ADAMTS18: variants seen among roughly 807,000 people sequenced by gnomAD.
The protein encoded by ADAMTS18 is A disintegrin and metalloproteinase with thrombospondin motifs 18.
Under a neutral mutation model 165.9 loss-of-function variants are expected in ADAMTS18, and 157 were observed. That is an observed-to-expected ratio of 0.95 (90% CI 0.83 to 1.08). ADAMTS18 has a LOEUF of 1.08. ADAMTS18 is among the 50% of genes least tolerant of loss of function. The probability of loss-of-function intolerance (pLI) is 0.00; values close to 1 mark genes in which losing one functional copy is unlikely to be tolerated. For missense variants in ADAMTS18, 2,040 were observed against 1,534.0 expected, an observed-to-expected ratio of 1.33 and a Z score of -5.51; for synonymous variants, 782 against 578.2, an observed-to-expected ratio of 1.35 and a Z score of -5.06.
chr16:77,395,440 T>C (rs1455898269), intron 3 of ADAMTS18, among the ~76,000 whole-genome samples: 2 of 152,314 alleles, frequency 1.3e-5, no homozygotes, highest in South Asian at 2.1e-4. Context: ...GCACAAGTCA[T>C]TCCCTCCACT....
At chr16:77,418,497 G>A (rs1450695944) in intron 3 of ADAMTS18, among the ~76,000 whole-genome samples, 1 of 152,090 alleles carries the variant, frequency 6.6e-6, no homozygotes, top group Non-Finnish European at 1.5e-5. Context: ...CTCCTACAAT[G>A]CACAGACATG....
intron 16 of ADAMTS18, among the ~76,000 whole-genome samples, chr16:77,317,841 G>A (rs11860617): frequency 0.43 from 65,711 of 151,964 alleles, 14,967 homozygotes; most frequent in East Asian, 0.88. Context: ...ATCCAGGCCC[G>A]CTGTGCATGG....
intron 16 of ADAMTS18, among the ~76,000 whole-genome samples, chr16:77,316,128 C>T (rs1485976641): frequency 6.6e-6 from 1 of 152,204 alleles, no homozygotes. Flanking sequence ...AGATCCACTT[C>T]CTGCCACCTT....
intron 12 of ADAMTS18, among the ~76,000 whole-genome samples, chr16:77,332,767 G>C (rs763729633): frequency 2.6e-5 from 4 of 152,274 alleles, no homozygotes; most frequent in Non-Finnish European, 5.9e-5. Context: ...CCAGACCAAA[G>C]AGTGCCCACA....
intron 16 of ADAMTS18, among the ~76,000 whole-genome samples, chr16:77,314,659 A>ATATG (rs1456333061): frequency 1.3e-4 from 18 of 133,868 alleles, no homozygotes; most frequent in African/African-American, 5.1e-4. Context: ...GTATATATAT[A>ATATG]TATGTACATA....
At chr16:77,298,323 T>C (rs1195729567) in intron 17 of ADAMTS18, among the ~76,000 whole-genome samples, 2 of 152,172 alleles carry the variant, frequency 1.3e-5, no homozygotes, top group Non-Finnish European at 2.9e-5. Flanking sequence ...ATAATTGTAT[T>C]TTTTAGTTCC....
chr16:77,350,004 C>A (rs1435017270), intron 10 of ADAMTS18, among the ~76,000 whole-genome samples: 1 of 152,182 alleles, frequency 6.6e-6, no homozygotes, highest in East Asian at 1.9e-4. Flanking sequence ...TGTTCAGCTG[C>A]TCACTTCTAG....
chr16:77,421,148 C>T lies in ADAMTS18; in HGVS notation c.495+10147G>A, dbSNP rs114073941. ...GTAATAAGGGGCAGATAAAATATTC[C>T]CAAGCTCAGCAGCATGAAAAAGCAA... On this transcript the variant is annotated intron_variant, in intron 3 of 22. Coordinates refer to ENST00000282849, the MANE Select transcript of ADAMTS18 (RefSeq NM_199355.4). Among the ~76,000 whole-genome samples the T allele has an allele frequency of 4.8e-3, 725 of 152,216 alleles. 6 individuals are homozygous for T. The highest frequency in any genetic ancestry group is 0.017 in the African/African-American group (697 of 41,548).
chr16:77,309,439 C>G (rs1349279537), intron 16 of ADAMTS18, among the ~76,000 whole-genome samples: 2 of 152,142 alleles, frequency 1.3e-5, no homozygotes, highest in African/African-American at 4.8e-5. Flanking sequence ...GGGGCCAGCA[C>G]TGTATAAATT....
At chr16:77,325,753 A>T in intron 13 of ADAMTS18, 113 bp downstream of exon 13, 1 of 1,075,660 alleles carries the variant, frequency 9.3e-7, no homozygotes, top group Non-Finnish European at 1.4e-6. Context: ...GGGTCTGGGG[A>T]GTGAAAGGTA....
At chr16:77,389,451 AGT>A (rs1258627432) in intron 3 of ADAMTS18, among the ~76,000 whole-genome samples, 3 of 152,170 alleles carry the variant, frequency 2.0e-5, no homozygotes, top group Non-Finnish European at 4.4e-5. Context: ...CTCTCATGAC[AGT>A]GTGTGTCTGT....
intron 3 of ADAMTS18, among the ~76,000 whole-genome samples, chr16:77,400,442 GTGTGTGTGTGTGTC>G (rs1489514220): frequency 5.5e-4 from 55 of 100,102 alleles, no homozygotes; most frequent in Middle Eastern, 4.7e-3. Context: ...GTGTGTGTGT[GTGTGTGTGTGTGTC>G]TGTGTGTGTG....
At chr16:77,299,701 T>C (rs76238468) in intron 17 of ADAMTS18, among the ~76,000 whole-genome samples, 16,093 of 152,258 alleles carry the variant, frequency 0.11, 929 homozygotes, top group Middle Eastern at 0.21. Flanking sequence ...ACGCCTTCCT[T>C]CTACTCACCC....
Position 77,414,815 on chromosome 16 carries a change from A to G in ADAMTS18, c.495+16480T>C, listed in dbSNP as rs1176623736. 2.0e-5 allele frequency among the ~76,000 whole-genome samples: 3 copies of G among 152,252 alleles called. No homozygotes were observed. The East Asian group carries it at 5.8e-4, about 29-fold the overall frequency. ...CCATCAATAAGAATTCTTGGTTTACATCATTACCCCACATGTCATCATCCA... is the reference window on the plus strand; with the variant it reads ...CCATCAATAAGAATTCTTGGTTTACGTCATTACCCCACATGTCATCATCCA... On this transcript the variant is annotated intron_variant, in intron 3 of 22. Transcript: ENST00000282849.
intron 8 of ADAMTS18, among the ~76,000 whole-genome samples, chr16:77,358,055 G>A (rs2056656934): frequency 6.6e-6 from 1 of 152,190 alleles, no homozygotes; most frequent in African/African-American, 2.4e-5. Context: ...CATTTGATAT[G>A]CACACATATT....
At chr16:77,413,670 C>T (rs753141620) in intron 3 of ADAMTS18, among the ~76,000 whole-genome samples, 1 of 151,968 alleles carries the variant, frequency 6.6e-6, no homozygotes, top group Non-Finnish European at 1.5e-5. Context: ...TTGCTTTCTA[C>T]ATATGTTATT....
chr16:77,310,211 G>A (rs931778609), intron 16 of ADAMTS18, among the ~76,000 whole-genome samples: 11 of 152,164 alleles, frequency 7.2e-5, no homozygotes, highest in Admixed American at 2.6e-4. Flanking sequence ...TGCAACGAAT[G>A]AATTTTATCA....
chr16:77,386,435 G>T (rs1225201438), intron 3 of ADAMTS18, among the ~76,000 whole-genome samples: 4 of 152,172 alleles, frequency 2.6e-5, no homozygotes, highest in Admixed American at 6.5e-5. Context: ...TTTCCCTAGA[G>T]GAATTTGAGC....
intron 8 of ADAMTS18, among the ~76,000 whole-genome samples, chr16:77,357,911 T>C (rs894359584): frequency 6.6e-5 from 10 of 152,216 alleles, no homozygotes; most frequent in African/African-American, 2.4e-4. Context: ...CTTTTCCTTA[T>C]CTAAAATGTT....
Sources: gnomAD v4.1 joint callset for allele counts (sites outside exome capture counted in the v4.1 genomes callset) on GRCh38, gnomAD v4.1.1 for gene constraint, MANE v1.5 for transcripts, NCBI Gene and HGNC (gene_info 2026-07-23, HGNC 2026-07-21) for gene names.